Variants in MT1H observed in about 807,000 individuals in gnomAD.
The protein encoded by MT1H is metallothionein 1H, also known as metallothionein-1H.
A neutral mutation model predicts 8.7 loss-of-function variants in MT1H; 8 were observed. The observed-to-expected ratio is 0.92, with a 90% CI of 0.54 to 1.66. The LOEUF is 1.66. Among genes scored for constraint, MT1H ranks in the 40% most tolerant of loss-of-function variants. The pLI is 0.00. For missense variants in MT1H, 84 were observed against 75.2 expected (o/e 1.12, Z -0.43); for synonymous variants, 32 against 28.9 (o/e 1.11, Z -0.34).
At chr16:56,670,484 T>A (rs1184904271) in intron 1 of MT1H, 22 bp from the exon 2 acceptor site, 1 of 1,614,144 alleles carries the variant, frequency 6.2e-7, no homozygotes, top group South Asian at 1.1e-5. Context: ...CACAACACAC[T>A]GGCTTTTTCT....
chr16:56,670,318 C>G (rs1247943454), intron 1 of MT1H, among the ~76,000 whole-genome samples, 188 bp from the exon 2 acceptor site: 7 of 146,006 alleles, frequency 4.8e-5, no homozygotes, highest in Admixed American at 4.7e-4. Flanking sequence ...CTTTGGAATA[C>G]AAACGGAGGG....
chr16:56,670,036 G>C (rs1960851184), intron 1 of MT1H, 124 bp downstream of exon 1: 1 of 1,348,444 alleles, frequency 7.4e-7, no homozygotes, highest in Non-Finnish European at 1.0e-6. Flanking sequence ...TACTTCCTCC[G>C]CTGCTTTCCT....
chr16:56,670,647 C>CGTGTTT (rs777481700), intron 2 of MT1H, 76 bp downstream of exon 2: 1 of 1,612,566 alleles, frequency 6.2e-7, no homozygotes, highest in Non-Finnish European at 8.5e-7. Flanking sequence ...GCCCTGAGTG[C>CGTGTTT]CTGCTTCCTT....
chr16:56,670,769 T>G, intron 2 of MT1H, 129 bp from the exon 3 acceptor site: 1 of 1,521,916 alleles, frequency 6.6e-7, no homozygotes. Flanking sequence ...AGTCGTCTCC[T>G]GAAAAAGCTG....
At chr16:56,670,853 T>C (rs763111043) in intron 2 of MT1H, 45 bp from the exon 3 acceptor site, 19 of 1,611,160 alleles carry the variant, frequency 1.2e-5, no homozygotes, top group Non-Finnish European at 1.6e-5. Context: ...GAGAGGGAGC[T>C]CCCTGGTCAA....
rs1223699752 is a variant in MT1H, at chr16:56,670,972, T to C, written c.169T>C (p.Cys57Arg). 1.2e-6 allele frequency: 2 copies of C among 1,614,262 alleles called. No homozygotes were observed. Among genetic ancestry groups the C allele is most frequent in the East Asian group, 4.5e-5 (2 of 44,894 alleles). The change falls in exon 3 of 3, where the codon TGC becomes CGC. Residue 57 changes from cysteine (C) to arginine (R), a missense_variant. Transcript: ENST00000332374. ...GCICKGASEK[C>R]SCCA ...CATCTGCAAAGGGGCGTCAGAGAAGTGCAGCTGCTGTGCCTGATGTCGGGA... is the reference window on the plus strand; with the variant it reads ...CATCTGCAAAGGGGCGTCAGAGAAGCGCAGCTGCTGTGCCTGATGTCGGGA...
At position 56,671,078 on chromosome 16, in the gene MT1H, A is replaced by G. The variant is rs538542285; in HGVS notation, c.*89A>G. On this transcript the variant is annotated 3_prime_UTR_variant, in exon 3 of 3. Coordinates refer to ENST00000332374, the MANE Select transcript of MT1H (RefSeq NM_005951.2). ...TCTACAACTCCGACTCATTTGCTAC[A>G]TTCCTTTTTTTCTGTGAAATATGTG... 130 of 1,490,298 alleles carry G rather than the reference A, an allele frequency of 8.7e-5. No homozygotes were observed. Among genetic ancestry groups the G allele is most frequent in the Admixed American group, 4.3e-4 (19 of 44,620 alleles). 92.3% of individuals were successfully genotyped at this position (1,490,298 alleles called of 1,614,324 possible).
At position 56,670,827 on chromosome 16, in the gene MT1H, C is replaced by A. The variant is rs1960863130; in HGVS notation, c.95-71C>A. The A allele has an allele frequency of 5.6e-6, 9 of 1,597,646 alleles. No individual in the cohort carries two copies. In the South Asian group the frequency reaches 9.9e-5, roughly 18 times the overall value. On this transcript the variant is annotated intron_variant, in intron 2 of 2. Coordinates refer to ENST00000332374, the MANE Select transcript of MT1H (RefSeq NM_005951.2). ...TCTGGGGCTGGAGTCTGAGCTTGAGCCAGGCCTGCTGTTGGGAGAGGGAGC... is the reference window on the plus strand; with the variant it reads ...TCTGGGGCTGGAGTCTGAGCTTGAGACAGGCCTGCTGTTGGGAGAGGGAGC...
At chr16:56,670,600 G>A in intron 2 of MT1H, 29 bp downstream of exon 2, 1 of 1,614,226 alleles carries the variant, frequency 6.2e-7, no homozygotes. Flanking sequence ...CCAGGAATCT[G>A]GGGCTGTGGC....
chr16:56,671,069 A>T lies in MT1H; in HGVS notation c.*80A>T. On this transcript the variant is annotated 3_prime_UTR_variant, in exon 3 of 3. Coordinates refer to ENST00000332374, the MANE Select transcript of MT1H (RefSeq NM_005951.2). ...TTTTTTTTTTCTACAACTCCGACTC[A>T]TTTGCTACATTCCTTTTTTTCTGTG... The T allele has an allele frequency of 6.6e-7, 1 of 1,512,990 alleles. No homozygotes were observed. Among genetic ancestry groups the T allele is most frequent in the South Asian group, 1.2e-5 (1 of 80,880 alleles). 93.7% of individuals were successfully genotyped at this position (1,512,990 alleles called of 1,614,324 possible). A position where few individuals can be genotyped will look rare whatever the true frequency, so the allele number is the denominator to read the frequency against.
Position 56,671,089 on chromosome 16 carries a change from T to A in MT1H, c.*100T>A. 6.9e-7 allele frequency: 1 copy of A among 1,439,550 alleles called. No individual in the cohort carries two copies. Among genetic ancestry groups the A allele is most frequent in the African/African-American group, 1.4e-5 (1 of 69,776 alleles). 89.2% of individuals were successfully genotyped at this position (1,439,550 alleles called of 1,614,324 possible). A position where few individuals can be genotyped will look rare whatever the true frequency, so the allele number is the denominator to read the frequency against. On this transcript the variant is annotated 3_prime_UTR_variant, in exon 3 of 3. Transcript: ENST00000332374. Reference sequence around the variant, plus strand: ...GACTCATTTGCTACATTCCTTTTTTTCTGTGAAATATGTGAATAATAATTA... The same window carrying A: ...GACTCATTTGCTACATTCCTTTTTTACTGTGAAATATGTGAATAATAATTA...
intron 1 of MT1H, among the ~76,000 whole-genome samples, chr16:56,670,227 G>A (rs1001901098): frequency 6.6e-6 from 1 of 152,218 alleles, no homozygotes; most frequent in East Asian, 1.9e-4. Flanking sequence ...TTGGATAGGT[G>A]GGGACATTGC....
chr16:56,670,752 A>G, intron 2 of MT1H, 146 bp from the exon 3 acceptor site: 1 of 1,486,250 alleles, frequency 6.7e-7, no homozygotes, highest in Non-Finnish European at 9.3e-7. Context: ...TCACCCCAAT[A>G]TCCACCAGTC....
intron 2 of MT1H, 128 bp downstream of exon 2, chr16:56,670,699 G>C: frequency 1.3e-6 from 2 of 1,564,602 alleles, no homozygotes; most frequent in Non-Finnish European, 1.7e-6. Context: ...CTTCTGCTCT[G>C]TCCAGGGCTC....
intron 1 of MT1H, 26 bp from the exon 2 acceptor site, chr16:56,670,480 A>T (rs1264258582): frequency 1.2e-6 from 2 of 1,614,002 alleles, no homozygotes; most frequent in Non-Finnish European, 8.5e-7. Context: ...CACTCACAAC[A>T]CACTGGCTTT....
chr16:56,670,403 C>T (rs1183360006), intron 1 of MT1H, 103 bp from the exon 2 acceptor site: 13 of 1,539,580 alleles, frequency 8.4e-6, no homozygotes, highest in South Asian at 4.7e-5. Flanking sequence ...GGAGCTCTGA[C>T]GGCTGGCCCT....
Position 56,670,957 on chromosome 16 carries a change from G to C in MT1H, c.154G>C (p.Gly52Arg). Residue 52 changes from glycine (G) to arginine (R), a missense_variant, in exon 3 of 3, where the codon GGG becomes CGG. Transcript: ENST00000332374. ...GTGTGCCCAGGGCTGCATCTGCAAA[G>C]GGGCGTCAGAGAAGTGCAGCTGCTG... ...AKCAQGCICK[G>R]ASEKCSCCA 6.2e-7 allele frequency: 1 copy of C among 1,614,246 alleles called. No homozygotes were observed. The highest frequency in any genetic ancestry group is 8.5e-7 in the Non-Finnish European group (1 of 1,180,038).
intron 1 of MT1H, 53 bp downstream of exon 1, chr16:56,669,965 A>G (rs1960849845): frequency 3.1e-6 from 5 of 1,611,708 alleles, no homozygotes; most frequent in Non-Finnish European, 4.2e-6. Context: ...CAGACACCAT[A>G]GAGAGTGTCC....
rs764522536 is a variant in MT1H at position 56,671,034 on chromosome 16, A to C, written c.*45A>C. The C allele has an allele frequency of 6.3e-7, 1 of 1,587,382 alleles. No individual in the cohort carries two copies. Among genetic ancestry groups the C allele is most frequent in the East Asian group, 2.2e-5 (1 of 44,746 alleles). On this transcript the variant is annotated 3_prime_UTR_variant, in exon 3 of 3. Coordinates refer to ENST00000332374, the MANE Select transcript of MT1H (RefSeq NM_005951.2). ...TCAGATGAAAACAGAATGACACGTA[A>C]AATCCAGGATTTTTTTTTTCTACAA...
Sources: allele counts gnomAD v4.1 joint callset (sites outside exome capture counted in the v4.1 genomes callset), GRCh38; gene constraint gnomAD v4.1.1; transcripts MANE v1.5; gene names NCBI Gene and HGNC (gene_info 2026-07-23, HGNC 2026-07-21).